Variants in CNOT6L observed in about 807,000 individuals in gnomAD.
CNOT6L encodes CCR4-NOT transcription complex subunit 6-like.
CNOT6L carries 7 observed loss-of-function variants against 64.0 expected under a neutral mutation model. The observed-to-expected ratio is 0.11, with a 90% CI of 0.06 to 0.21. CNOT6L has a LOEUF of 0.21. CNOT6L is among the 10% of genes least tolerant of loss of function. The probability of loss-of-function intolerance (pLI) is 1.00; values close to 1 mark genes in which losing one functional copy is unlikely to be tolerated. For synonymous variants in CNOT6L, 193 were observed against 243.4 expected, an observed-to-expected ratio of 0.79 and a Z score of 1.93; for missense variants, 245 against 669.0, an observed-to-expected ratio of 0.37 and a Z score of 6.99.
chr4:77,762,993 T>C (rs1726410669), intron 4 of CNOT6L, among the ~76,000 whole-genome samples: 1 of 152,082 alleles, frequency 6.6e-6, no homozygotes, highest in Non-Finnish European at 1.5e-5. Flanking sequence ...TAAAAAAATA[T>C]ATTCAAGGCA....
At chr4:77,773,500 C>T (rs781645644) in intron 3 of CNOT6L, among the ~76,000 whole-genome samples, 56 of 152,234 alleles carry the variant, frequency 3.7e-4, no homozygotes, top group Non-Finnish European at 7.1e-4. Flanking sequence ...GACAGATATC[C>T]TTAGCAGCTA....
Position 77,731,400 on chromosome 4 carries a change from T to G in CNOT6L, c.1011A>C (p.Glu337Asp), listed in dbSNP as rs757315584. ...CATTGCACTCACCTGCTCCAAATAG[T>G]TCTTTGTGGACCTCTAATACCACAG... is the stretch of plus-strand genomic sequence containing the variant. ...GVAVVLEVHK[E>D]LFGAGMKPIH... Residue 337 changes from glutamate (E) to aspartate (D), a missense_variant, in exon 9 of 12, where the codon GAA becomes GAC. By Grantham distance (45) the Glu-to-Asp change is conservative. Coordinates refer to ENST00000504123, the MANE Select transcript of CNOT6L (RefSeq NM_144571.3). 2 of 1,612,080 alleles carry G rather than the reference T, an allele frequency of 1.2e-6. No individual in the cohort carries two copies. The highest frequency in any genetic ancestry group is 1.9e-4 in the Middle Eastern group (1 of 5,296).
At chr4:77,734,607 A>G (rs1338583772) in intron 8 of CNOT6L, among the ~76,000 whole-genome samples, 4 of 152,100 alleles carry the variant, frequency 2.6e-5, no homozygotes, top group African/African-American at 4.8e-5. Context: ...TATTCCTTCC[A>G]TTAATAATCT....
In CNOT6L at chr4:77,715,186, A is replaced by C. The variant is rs1052101902; in HGVS notation, c.*5245T>G. The C allele has an allele frequency of 6.6e-6, 1 of 152,154 alleles. No individual in the cohort carries two copies. The allele number at this position is 152,154 out of a possible 1,614,324, so 9.4% of individuals were successfully genotyped here. ...ACAAAAATAACTAGTACTAGGCACC[A>C]AACTAGAGCCTCCGAAAGATTCTGA... On this transcript the variant is annotated 3_prime_UTR_variant, in exon 12 of 12. Transcript: ENST00000504123.
intron 2 of CNOT6L, among the ~76,000 whole-genome samples, chr4:77,775,010 G>A (rs542900757): frequency 1.3e-5 from 2 of 152,230 alleles, no homozygotes; most frequent in African/African-American, 4.8e-5. Flanking sequence ...CTCAACCAGA[G>A]GCAATTTTGT....
chr4:77,742,091 G>C (rs929790807), intron 8 of CNOT6L, 50 bp downstream of exon 8: 1 of 1,514,434 alleles, frequency 6.6e-7, no homozygotes, highest in Non-Finnish European at 9.0e-7. Flanking sequence ...TAAAGTGTAA[G>C]CATTTAAATA....
At chr4:77,799,153 C>A (rs1731207649) in intron 1 of CNOT6L, among the ~76,000 whole-genome samples, 2 of 152,156 alleles carry the variant, frequency 1.3e-5, no homozygotes. Context: ...ACAGGCCAGG[C>A]ACAGTGGCTC....
intron 1 of CNOT6L, among the ~76,000 whole-genome samples, chr4:77,817,444 T>A (rs1733702384): frequency 2.0e-5 from 3 of 152,232 alleles, no homozygotes; most frequent in African/African-American, 7.2e-5. Context: ...TCAATGCCCA[T>A]AGTCAGGGCT....
chr4:77,735,120 T>TA (rs1365951148), intron 8 of CNOT6L, among the ~76,000 whole-genome samples: 4 of 152,126 alleles, frequency 2.6e-5, no homozygotes, highest in Admixed American at 6.6e-5. Flanking sequence ...AAGCAAAAGT[T>TA]AAAAGTCCAG....
At chr4:77,819,468 C>T (rs957571908), upstream of CNOT6L, 2 of 1,451,844 alleles carry the variant, frequency 1.4e-6, no homozygotes, top group African/African-American at 2.8e-5. Flanking sequence ...CACGGCGGGC[C>T]TCGCTCCCGC....
chr4:77,753,190 A>G (rs1342600087), intron 5 of CNOT6L, among the ~76,000 whole-genome samples: 1 of 124,620 alleles, frequency 8.0e-6, no homozygotes, highest in Non-Finnish European at 1.8e-5. Context: ...ACTTCCTACC[A>G]GAAAAAAAAA....
At chr4:77,723,431 T>C (rs1214039308) in intron 11 of CNOT6L, among the ~76,000 whole-genome samples, 1 of 152,214 alleles carries the variant, frequency 6.6e-6, no homozygotes, top group Non-Finnish European at 1.5e-5. Flanking sequence ...CATTTGATGC[T>C]GATCACATGG....
chr4:77,785,273 C>T (rs1470309302), intron 1 of CNOT6L, among the ~76,000 whole-genome samples: 1 of 152,070 alleles, frequency 6.6e-6, no homozygotes, highest in Admixed American at 6.5e-5. Context: ...ACAAAGTAAA[C>T]TTACAAGGAC....
intron 8 of CNOT6L, among the ~76,000 whole-genome samples, chr4:77,739,088 T>C (rs984863543): frequency 6.6e-6 from 1 of 152,202 alleles, no homozygotes; most frequent in South Asian, 2.1e-4. Context: ...TATCTGAATA[T>C]TGGTAACTTG....
rs1392455257 is a variant in CNOT6L, at chr4:77,716,376, C to T, written c.*4055G>A. ...CAATTTTATCATTAGAAAATCTAGC[C>T]ATGTATTAGGAATGACATAATGATG... On this transcript the variant is annotated 3_prime_UTR_variant, in exon 12 of 12. Coordinates refer to ENST00000504123, the MANE Select transcript of CNOT6L (RefSeq NM_144571.3). 1 of 151,994 alleles carries T rather than the reference C, an allele frequency of 6.6e-6. No homozygotes were observed. Among genetic ancestry groups the T allele is most frequent in the East Asian group, 1.9e-4 (1 of 5,192 alleles). The allele number at this position is 151,994 out of a possible 1,614,324, so 9.4% of individuals were successfully genotyped here.
At chr4:77,749,339 C>G (rs771906138) in intron 5 of CNOT6L, among the ~76,000 whole-genome samples, 1 of 152,118 alleles carries the variant, frequency 6.6e-6, no homozygotes, top group Non-Finnish European at 1.5e-5. Flanking sequence ...CCAGCTTGTT[C>G]AACATACTGA....
rs111727273 is a variant in CNOT6L at position 77,792,056 on chromosome 4, C to A, written c.6-15664G>T. 9.9e-4 allele frequency among the ~76,000 whole-genome samples: 150 copies of A among 152,232 alleles called. 1 individual carries two copies. The highest frequency in any genetic ancestry group is 3.1e-3 in the African/African-American group (129 of 41,532). The stretch of plus-strand genomic sequence containing the variant: ...ACTTTGTTTAGAAGTGCCTAAAGGT[C>A]ATTTATAAATGCCCATGGATAACAG... On this transcript the variant is annotated intron_variant, in intron 1 of 11. Coordinates refer to ENST00000504123, the MANE Select transcript of CNOT6L (RefSeq NM_144571.3).
intron 1 of CNOT6L, among the ~76,000 whole-genome samples, chr4:77,804,260 T>A (rs957861721): frequency 2.0e-5 from 3 of 151,864 alleles, no homozygotes; most frequent in Non-Finnish European, 4.4e-5. Flanking sequence ...AAACACCGTC[T>A]CTACTAAAAA....
intron 5 of CNOT6L, among the ~76,000 whole-genome samples, chr4:77,753,469 G>A (rs1361967822): frequency 1.3e-5 from 2 of 151,948 alleles, no homozygotes; most frequent in African/African-American, 2.4e-5. Flanking sequence ...TCAGGAGTTC[G>A]AGACCAGCCT....
Sources: gnomAD v4.1 joint callset for allele counts (sites outside exome capture counted in the v4.1 genomes callset) on GRCh38, gnomAD v4.1.1 for gene constraint, MANE v1.5 for transcripts, NCBI Gene and HGNC (gene_info 2026-07-23, HGNC 2026-07-21) for gene names.